Variants in PDE1C observed in about 807,000 individuals in gnomAD.
The protein encoded by PDE1C is dual specificity calcium/calmodulin-dependent 3',5'-cyclic nucleotide phosphodiesterase 1C.
A neutral mutation model predicts 93.1 loss-of-function variants in PDE1C; 62 were observed. The ratio of observed to expected loss-of-function variants is 0.67; its 90% CI spans 0.54 to 0.82. The LOEUF (loss-of-function observed/expected upper bound fraction) is 0.82. Ranked by LOEUF, PDE1C falls within the 40% of genes least tolerant of loss-of-function variation. PDE1C has a pLI of 0.00. For missense variants in PDE1C, 742 were observed against 884.6 expected (o/e 0.84, Z 2.04); for synonymous variants, 325 against 310.1 (o/e 1.05, Z -0.50).
intron 1 of PDE1C, among the ~76,000 whole-genome samples, chr7:32,366,457 A>G (rs1257270330): frequency 2.0e-5 from 3 of 152,174 alleles, no homozygotes; most frequent in African/African-American, 7.2e-5. Flanking sequence ...CACATTATAC[A>G]TATTCCAGAG....
chr7:32,154,660 A>C lies in PDE1C; in HGVS notation c.308+15125T>G, dbSNP rs940297605. 9.2e-5 allele frequency among the ~76,000 whole-genome samples: 14 copies of C among 152,344 alleles called. 1 individual carries two copies. The East Asian group carries it at 2.7e-3, about 29-fold the overall frequency. Reference sequence around the variant, plus strand: ...TAACTTCCCCAAGGTGGTAAGTTACAGAGTCACGATGGAATCTCAGCTTTG... The same window carrying C: ...TAACTTCCCCAAGGTGGTAAGTTACCGAGTCACGATGGAATCTCAGCTTTG... On this transcript the variant is annotated intron_variant, in intron 3 of 18. Transcript: ENST00000396193.
chr7:31,826,282 A>T lies in PDE1C; in HGVS notation c.1286-1295T>A, dbSNP rs1789654597. On this transcript the variant is annotated intron_variant, in intron 12 of 17. Transcript: ENST00000396191. ...TGGCATTAATGCCCAGCAGTAAAGG[A>T]TGTTAAAAGTCCTACAATGTAATTG... 2.0e-5 allele frequency among the ~76,000 whole-genome samples: 3 copies of T among 152,196 alleles called. No homozygotes were observed. The South Asian group carries it at 6.2e-4, about 31-fold the overall frequency.
chr7:31,991,212 G>A (rs773417574), intron 2 of PDE1C, among the ~76,000 whole-genome samples: 1 of 152,122 alleles, frequency 6.6e-6, no homozygotes, highest in Non-Finnish European at 1.5e-5. Context: ...AGTTAATAGT[G>A]CCTACATTCT....
intron 17 of PDE1C, among the ~76,000 whole-genome samples, chr7:31,762,046 T>A (rs144143640): frequency 7.4e-4 from 113 of 152,312 alleles, no homozygotes; most frequent in African/African-American, 2.2e-3. Context: ...TTTCCTCAGA[T>A]GAAGACATTT....
intron 1 of PDE1C, among the ~76,000 whole-genome samples, chr7:32,410,787 T>G (rs1390204839): frequency 6.6e-6 from 1 of 152,176 alleles, no homozygotes; most frequent in African/African-American, 2.4e-5. Context: ...TTCTCCAGGT[T>G]CCAGCTCTCA....
At chr7:32,207,617 TCTC>T (rs899070071) in intron 2 of PDE1C, among the ~76,000 whole-genome samples, 1 of 142,382 alleles carries the variant, frequency 7.0e-6, no homozygotes, top group East Asian at 2.5e-4. Context: ...GCTTTTTCGT[TCTC>T]CTTTTTTTTC....
At chr7:31,775,860 G>A (rs1207274583) in intron 16 of PDE1C, 128 bp from the exon 17 acceptor site, 2 of 752,062 alleles carry the variant, frequency 2.7e-6, no homozygotes, top group African/African-American at 3.5e-5. Flanking sequence ...GTTAGGTGAG[G>A]TTGCAGGGTG....
intron 2 of PDE1C, among the ~76,000 whole-genome samples, chr7:32,176,303 G>A (rs763710650): frequency 2.6e-5 from 4 of 151,964 alleles, no homozygotes; most frequent in South Asian, 2.1e-4. Flanking sequence ...AAAAAAAACC[G>A]CATGAGTCTA....
At chr7:31,656,471 C>T in the PDE1C span, 1 of 980,292 alleles carries the variant, frequency 1.0e-6, no homozygotes, top group African/African-American at 1.8e-5. Context: ...ATTACAAGTG[C>T]ACATACCAAG....
chr7:32,181,512 C>T (rs543671290), intron 2 of PDE1C, among the ~76,000 whole-genome samples: 2 of 152,054 alleles, frequency 1.3e-5, no homozygotes, highest in African/African-American at 2.4e-5. Flanking sequence ...AAACTGCTCA[C>T]CTACATGGAA....
chr7:31,630,512 A>G, the PDE1C span, among the ~76,000 whole-genome samples: 13 of 152,262 alleles, frequency 8.5e-5, no homozygotes, highest in African/African-American at 3.1e-4. Flanking sequence ...GTAATGTTGA[A>G]CTAATAAAGA....
At chr7:32,225,493 A>T (rs1807192770) in intron 1 of PDE1C, among the ~76,000 whole-genome samples, 2 of 152,160 alleles carry the variant, frequency 1.3e-5, no homozygotes, top group Admixed American at 1.3e-4. Context: ...GGATTCCAAT[A>T]CATGAGAAGT....
chr7:32,312,565 T>C (rs200103771), intron 1 of PDE1C, among the ~76,000 whole-genome samples: 17,952 of 151,714 alleles, frequency 0.12, 1,135 homozygotes, highest in East Asian at 0.18. Context: ...GAGATATAGA[T>C]CAATGGAACA....
chr7:31,654,684 C>CACTG, the PDE1C span, among the ~76,000 whole-genome samples: 1 of 152,064 alleles, frequency 6.6e-6, no homozygotes, highest in African/African-American at 2.4e-5. Context: ...AGGCCAGAGG[C>CACTG]ACTGGGTCTC....
At chr7:31,835,356 T>A (rs1229919583) in intron 11 of PDE1C, among the ~76,000 whole-genome samples, 1 of 152,018 alleles carries the variant, frequency 6.6e-6, no homozygotes, top group Non-Finnish European at 1.5e-5. Flanking sequence ...AAGCTCTTGG[T>A]GAAGGATGAT....
intron 16 of PDE1C, 109 bp from the exon 17 acceptor site, chr7:31,775,841 T>C (rs986743435): frequency 2.2e-6 from 2 of 915,142 alleles, no homozygotes; most frequent in Non-Finnish European, 3.5e-6. Flanking sequence ...AAACAATGTT[T>C]AGAAGCAGGT....
intron 3 of PDE1C, among the ~76,000 whole-genome samples, chr7:32,083,270 A>T (rs1796833914): frequency 2.0e-5 from 3 of 151,152 alleles, no homozygotes; most frequent in Admixed American, 2.0e-4. Flanking sequence ...GATGAAATGA[A>T]TGAAATGAAG....
At chr7:32,404,949 G>C (rs1785021756) in intron 1 of PDE1C, among the ~76,000 whole-genome samples, 1 of 152,196 alleles carries the variant, frequency 6.6e-6, no homozygotes, top group Admixed American at 6.5e-5. Flanking sequence ...TCTCAGCTGA[G>C]GGTGGCTTGA....
chr7:32,079,179 C>T (rs999146741), intron 3 of PDE1C, among the ~76,000 whole-genome samples: 7 of 152,198 alleles, frequency 4.6e-5, no homozygotes, highest in South Asian at 2.1e-4. Flanking sequence ...TTCATTCATT[C>T]GTTCAACAAA....
Sources: allele counts gnomAD v4.1 joint callset (sites outside exome capture counted in the v4.1 genomes callset), GRCh38; gene constraint gnomAD v4.1.1; transcripts MANE v1.5; gene names NCBI Gene and HGNC (gene_info 2026-07-23, HGNC 2026-07-21).